Variants in WT1 observed in about 807,000 individuals in gnomAD.
WT1 encodes the protein Wilms tumor protein.
Under a neutral mutation model 60.8 loss-of-function variants are expected in WT1, and 8 were observed. The ratio of observed to expected loss-of-function variants is 0.13; its 90% CI spans 0.08 to 0.24. The LOEUF (loss-of-function observed/expected upper bound fraction) is 0.24, where lower values mean the gene tolerates loss of function less well. WT1 is among the 10% of genes least tolerant of loss of function. The pLI is 1.00. For missense variants in WT1, 568 were observed against 711.8 expected (o/e 0.80, Z 2.30); for synonymous variants, 312 against 297.1 (o/e 1.05, Z -0.52).
chr11:32,424,433 G>A (rs780418510), intron 3 of WT1, among the ~76,000 whole-genome samples: 2 of 152,240 alleles, frequency 1.3e-5, no homozygotes, highest in African/African-American at 2.4e-5. Flanking sequence ...ACCATTTAAC[G>A]TCATGCACAG....
At chr11:32,395,937 C>T (rs543740532) in intron 7 of WT1, among the ~76,000 whole-genome samples, 1 of 152,324 alleles carries the variant, frequency 6.6e-6, no homozygotes, top group Admixed American at 6.5e-5. Flanking sequence ...TATTCCCAGG[C>T]CAGCTCCTCT....
rs1235631949 is a variant in WT1, at chr11:32,423,902, C to T, written c.887+4054G>A. 3.9e-5 allele frequency among the ~76,000 whole-genome samples: 6 copies of T among 152,276 alleles called. No individual in the cohort carries two copies. The South Asian group carries it at 8.3e-4, about 21-fold the overall frequency. On this transcript the variant is annotated intron_variant, in intron 3 of 9. Transcript: ENST00000452863. The stretch of plus-strand genomic sequence containing the variant: ...CATTGGCCTGGTGCGGTGGCTCACG[C>T]CTGTAATTCCAGCACTTTGGGAGGC...
At chr11:32,394,647 C>T (rs1481112100) in intron 7 of WT1, among the ~76,000 whole-genome samples, 2 of 152,128 alleles carry the variant, frequency 1.3e-5, no homozygotes, top group East Asian at 3.8e-4. Context: ...GCCTGACACC[C>T]AAAAAGTACT....
At chr11:32,410,909 C>G (rs1302238390) in intron 5 of WT1, among the ~76,000 whole-genome samples, 1 of 152,182 alleles carries the variant, frequency 6.6e-6, no homozygotes, top group Non-Finnish European at 1.5e-5. Context: ...CAATGTTCTT[C>G]TACCTAGAGG....
intron 5 of WT1, among the ~76,000 whole-genome samples, chr11:32,404,069 C>T (rs1031860636): frequency 2.6e-5 from 4 of 151,634 alleles, no homozygotes; most frequent in Admixed American, 1.3e-4. Flanking sequence ...GTTAGGAGAT[C>T]GAGACCAGCC....
intron 1 of WT1, among the ~76,000 whole-genome samples, chr11:32,429,730 TGGCAG>T (rs1301934970): frequency 3.3e-5 from 5 of 152,044 alleles, no homozygotes; most frequent in Admixed American, 2.6e-4. Context: ...TATGGGATCC[TGGCAG>T]GGCCACCCCA....
chr11:32,398,104 G>C (rs766528913), intron 6 of WT1, among the ~76,000 whole-genome samples: 1 of 152,130 alleles, frequency 6.6e-6, no homozygotes, highest in Admixed American at 6.6e-5. Flanking sequence ...CTAAACCGTC[G>C]TCAGATTTCC....
intron 2 of WT1, among the ~76,000 whole-genome samples, 158 bp from the exon 3 acceptor site, chr11:32,428,216 T>TA (rs1853129316): frequency 1.3e-5 from 2 of 152,270 alleles, no homozygotes; most frequent in South Asian, 4.2e-4. Flanking sequence ...TGCAAGAAGC[T>TA]AAGCCTCTCA....
At chr11:32,425,048 A>G (rs897648144) in intron 3 of WT1, among the ~76,000 whole-genome samples, 5 of 152,080 alleles carry the variant, frequency 3.3e-5, no homozygotes, top group African/African-American at 9.7e-5. Flanking sequence ...CATGGTGGCC[A>G]GCACCTATAA....
intron 4 of WT1, chr11:32,417,356 A>G (rs944672226): frequency 1.0e-5 from 6 of 572,692 alleles, no homozygotes; most frequent in Non-Finnish European, 1.9e-5. Context: ...TGTCCTCAAT[A>G]TTCCTTGTTC....
chr11:32,388,667 T>G lies in WT1; in HGVS notation c.*391A>C, dbSNP rs777105291. 4 of 354,940 alleles carry G rather than the reference T, an allele frequency of 1.1e-5. No homozygotes were observed. The highest frequency in any genetic ancestry group is 2.1e-5 in the Non-Finnish European group (4 of 190,766). The allele number at this position is 354,940 out of a possible 1,614,324, so 22.0% of individuals were successfully genotyped here. A position where few individuals can be genotyped will look rare whatever the true frequency, so the allele number is the denominator to read the frequency against. On this transcript the variant is annotated 3_prime_UTR_variant, in exon 10 of 10. Transcript: ENST00000452863. ...GCAGACACATACACATGCCCTGGCCTATAAATATTCCATGATAGAAAATGG... is the reference window on the plus strand; with the variant it reads ...GCAGACACATACACATGCCCTGGCCGATAAATATTCCATGATAGAAAATGG...
At chr11:32,422,554 G>A (rs760210118) in intron 3 of WT1, among the ~76,000 whole-genome samples, 1 of 152,250 alleles carries the variant, frequency 6.6e-6, no homozygotes, top group Non-Finnish European at 1.5e-5. Context: ...GGCATGGGCT[G>A]TCATCTGATT....
chr11:32,416,509 A>G lies in WT1; in HGVS notation c.997T>C (p.Trp333Arg), dbSNP rs1367648711. Residue 333 changes from tryptophan to arginine, a missense_variant, in exon 5 of 10, where the codon TGG (tryptophan) becomes CGG (arginine). By Grantham distance (101) the Trp-to-Arg change is moderately radical (BLOSUM62 -3). Transcript: ENST00000452863. Reference sequence around the variant, plus strand: ...ACTCACTTGCTCTGCCCTTCTGTCCATTTCACTGAGCTGGAGCTCCCAGCA... The same window carrying G: ...ACTCACTTGCTCTGCCCTTCTGTCCGTTTCACTGAGCTGGAGCTCCCAGCA... 3 of 1,613,886 alleles carry G rather than the reference A, an allele frequency of 1.9e-6. No homozygotes were observed. Among genetic ancestry groups the G allele is most frequent in the East Asian group, 2.2e-5 (1 of 44,880 alleles).
At chr11:32,428,433 C>A (rs1853136587) in intron 2 of WT1, 64 bp downstream of exon 2, 1 of 1,610,954 alleles carries the variant, frequency 6.2e-7, no homozygotes, top group South Asian at 1.1e-5. Flanking sequence ...TTAGGAATTC[C>A]TGGGGGAGAG....
At chr11:32,403,533 C>G (rs530699147) in intron 5 of WT1, among the ~76,000 whole-genome samples, 269 of 150,790 alleles carry the variant, frequency 1.8e-3, no homozygotes, top group Admixed American at 4.6e-3. Flanking sequence ...AATCTGTCTT[C>G]TCATTTCGGA....
At chr11:32,427,227 C>T (rs563585732) in intron 3 of WT1, among the ~76,000 whole-genome samples, 3 of 152,228 alleles carry the variant, frequency 2.0e-5, no homozygotes, top group Admixed American at 2.0e-4. Context: ...CGCGGGCGGC[C>T]GGCCAAGTTC....
chr11:32,421,499 A>T (rs929188511), intron 3 of WT1, among the ~76,000 whole-genome samples: 1 of 152,300 alleles, frequency 6.6e-6, no homozygotes, highest in African/African-American at 2.4e-5. Flanking sequence ...GATTTTTTTT[A>T]AAGTCACTTG....
Position 32,400,012 on chromosome 11 carries a change from G to A in WT1, c.1049C>T (p.Thr350Ile), listed in dbSNP as rs764802290. Residue 350 changes from threonine (T) to isoleucine (I), a missense_variant, in exon 6 of 10, where the codon ACA becomes ATA. This residue lies in a region of WT1 where 523 missense variants were observed against 565.1 expected (regional missense o/e 0.93). Coordinates refer to ENST00000452863, the MANE Select transcript of WT1 (RefSeq NM_024426.6). ...TTGGGCTCCGCAGAGGATGGGCGTT[G>A]TGTGGTTATCGCTCTCGTACCCTGT... is the stretch of plus-strand genomic sequence containing the variant. 10 of 1,614,248 alleles carry A rather than the reference G, an allele frequency of 6.2e-6. No individual in the cohort carries two copies. The highest frequency in any genetic ancestry group is 7.6e-6 in the Non-Finnish European group (9 of 1,180,052).
chr11:32,408,640 CAG>C (rs1590360797), intron 5 of WT1, among the ~76,000 whole-genome samples: 1 of 148,420 alleles, frequency 6.7e-6, no homozygotes, highest in East Asian at 2.0e-4. Context: ...AAAAGAAACA[CAG>C]GGGAGAGAGG....
Sources: allele counts gnomAD v4.1 joint callset (sites outside exome capture counted in the v4.1 genomes callset), GRCh38; gene constraint gnomAD v4.1.1; regional missense constraint gnomAD v4.1.1; transcripts MANE v1.5; gene names NCBI Gene and HGNC (gene_info 2026-07-23, HGNC 2026-07-21).